CMIP: variants seen among roughly 807,000 people sequenced by gnomAD.
CMIP encodes C-Maf-inducing protein.
CMIP carries 13 observed loss-of-function variants against 97.3 expected under a neutral mutation model. That is an observed-to-expected ratio of 0.13 (90% CI 0.09 to 0.21). The LOEUF is 0.21. CMIP is among the 10% of genes least tolerant of loss of function. The pLI is 1.00. For synonymous variants in CMIP, 538 were observed against 436.3 expected, an observed-to-expected ratio of 1.23 and a Z score of -2.91; for missense variants, 847 against 1,024.9, an observed-to-expected ratio of 0.83 and a Z score of 2.37.
chr16:81,573,800 G>T (rs1043193845), intron 1 of CMIP, among the ~76,000 whole-genome samples: 3 of 152,200 alleles, frequency 2.0e-5, no homozygotes, highest in Non-Finnish European at 4.4e-5. Flanking sequence ...ATTTGTGCCA[G>T]TTAAGTGAGT....
intron 1 of CMIP, among the ~76,000 whole-genome samples, chr16:81,602,896 A>C (rs1169505302): frequency 1.3e-5 from 2 of 152,130 alleles, no homozygotes. Context: ...GTTATCTGTA[A>C]AATAATCCCA....
chr16:81,478,949 C>A (rs538832306), intron 1 of CMIP, among the ~76,000 whole-genome samples: 12 of 152,198 alleles, frequency 7.9e-5, no homozygotes, highest in African/African-American at 2.7e-4. Context: ...GGAGACCCGT[C>A]CTCACCCGAA....
intron 1 of CMIP, among the ~76,000 whole-genome samples, chr16:81,480,196 G>A (rs1341105863): frequency 1.3e-5 from 2 of 152,176 alleles, no homozygotes; most frequent in Non-Finnish European, 2.9e-5. Context: ...TGTGGATAGG[G>A]AAACAGGTTA....
intron 4 of CMIP, among the ~76,000 whole-genome samples, chr16:81,654,224 C>A (rs554208216): frequency 2.0e-5 from 3 of 146,550 alleles, no homozygotes; most frequent in Admixed American, 6.6e-5. Flanking sequence ...CACATCCCTC[C>A]TTGGGCTTTA....
intron 1 of CMIP, among the ~76,000 whole-genome samples, chr16:81,471,936 T>G (rs979953650): frequency 1.9e-4 from 29 of 152,216 alleles, no homozygotes; most frequent in African/African-American, 6.5e-4. Context: ...ATTTTCCACC[T>G]AATCTTTTTA....
chr16:81,689,344 G>C (rs374098651), intron 10 of CMIP, among the ~76,000 whole-genome samples: 3 of 152,036 alleles, frequency 2.0e-5, no homozygotes, highest in Non-Finnish European at 4.4e-5. Context: ...TTTAATGATC[G>C]CCATTCTAAC....
chr16:81,476,002 AG>A (rs1907889709), intron 1 of CMIP: 11 of 573,524 alleles, frequency 1.9e-5, no homozygotes, highest in Admixed American at 4.8e-5. Context: ...AAAAAAAAAA[AG>A]ATAAAACATA....
chr16:81,624,669 A>G (rs912649215), intron 3 of CMIP, among the ~76,000 whole-genome samples: 4 of 152,208 alleles, frequency 2.6e-5, no homozygotes, highest in African/African-American at 9.7e-5. Flanking sequence ...GTGGCCCTCC[A>G]AAGCTCGACC....
intron 1 of CMIP, among the ~76,000 whole-genome samples, chr16:81,472,241 C>T (rs1256963211): frequency 5.3e-5 from 8 of 152,192 alleles, no homozygotes; most frequent in East Asian, 1.9e-4. Context: ...TCAGTTTCCT[C>T]GTCTATAAGA....
At chr16:81,479,944 C>T (rs1908157656) in intron 1 of CMIP, among the ~76,000 whole-genome samples, 1 of 152,184 alleles carries the variant, frequency 6.6e-6, no homozygotes, top group Non-Finnish European at 1.5e-5. Flanking sequence ...TTCTTGAGTG[C>T]CTACTTTGTG....
At chr16:81,538,321 C>T (rs1259328117) in intron 1 of CMIP, among the ~76,000 whole-genome samples, 5 of 152,206 alleles carry the variant, frequency 3.3e-5, no homozygotes, top group Non-Finnish European at 7.3e-5. Context: ...GTGGCTCCTG[C>T]CTGCAGTGGC....
Position 81,453,933 on chromosome 16 carries a change from G to A in CMIP, c.300+8392G>A, listed in dbSNP as rs893432982. Among the ~76,000 whole-genome samples, 6 of 152,334 alleles carry A rather than the reference G, an allele frequency of 3.9e-5. No homozygotes were observed. The highest frequency in any genetic ancestry group is 3.9e-4 in the East Asian group (2 of 5,194). Reference sequence around the variant, plus strand: ...ACTTGGGAACATGGTTTACATGTGCGTCTGGGAGGAAGAGGAGAGCATGGA... The same window carrying A: ...ACTTGGGAACATGGTTTACATGTGCATCTGGGAGGAAGAGGAGAGCATGGA... On this transcript the variant is annotated intron_variant, in intron 1 of 20. Coordinates refer to ENST00000537098, the MANE Select transcript of CMIP (RefSeq NM_198390.3). The surrounding 1 kb of genome is among the most constrained non-coding windows in gnomAD (Gnocchi z 4.0).
intron 15 of CMIP, among the ~76,000 whole-genome samples, chr16:81,701,133 T>A (rs1287195815): frequency 7.3e-6 from 1 of 136,764 alleles, no homozygotes; most frequent in Non-Finnish European, 1.6e-5. Context: ...AAAAAAAAAA[T>A]CGTCATTGGA....
rs1472938338 is a variant in CMIP, at chr16:81,604,522, A to G, written c.301-3045A>G. ...AGACCAGCCTGGCCAAGATGGTGAA[A>G]CCCCATCTCTACTAAAAATACAAAA... On this transcript the variant is annotated intron_variant, in intron 1 of 20. Coordinates refer to ENST00000537098, the MANE Select transcript of CMIP (RefSeq NM_198390.3). Among the ~76,000 whole-genome samples, 4 of 151,920 alleles carry G rather than the reference A, an allele frequency of 2.6e-5. No homozygotes were observed. In the South Asian group the frequency reaches 6.3e-4, roughly 24 times the overall value.
At chr16:81,597,709 C>T (rs1390482753) in intron 1 of CMIP, among the ~76,000 whole-genome samples, 2 of 152,138 alleles carry the variant, frequency 1.3e-5, no homozygotes, top group Non-Finnish European at 2.9e-5. Context: ...TGGGCCAGTT[C>T]CCCCATTCAG....
intron 1 of CMIP, among the ~76,000 whole-genome samples, chr16:81,530,989 G>A (rs1318640009): frequency 6.6e-6 from 1 of 152,126 alleles, no homozygotes; most frequent in East Asian, 1.9e-4. Flanking sequence ...ATGTCTTCTG[G>A]GATCGTCATT....
intron 3 of CMIP, among the ~76,000 whole-genome samples, chr16:81,623,719 A>G (rs1236648712): frequency 6.6e-6 from 1 of 152,240 alleles, no homozygotes; most frequent in African/African-American, 2.4e-5. Flanking sequence ...CAGCTAGCCA[A>G]ATTAGCTGGG....
Position 81,691,791 on chromosome 16 carries a change from T to C in CMIP, c.1405T>C (p.Trp469Arg). Residue 469 changes from tryptophan (W) to arginine (R), a missense_variant, in exon 11 of 21, where the codon TGG becomes CGG. Trp to Arg is a moderately radical substitution (Grantham distance 101). Transcript: ENST00000537098. ...TCATTCTAGGTCAGACTATGATGAC[T>C]GGAGACCGTCTCTGGCCAGTTTGCT... ...ILKLLSDYDDWRPSLASLLQP... is the reference protein window; with the variant it reads ...ILKLLSDYDDRRPSLASLLQP... The C allele has an allele frequency of 6.2e-7, 1 of 1,613,954 alleles. No homozygotes were observed. Among genetic ancestry groups the C allele is most frequent in the Non-Finnish European group, 8.5e-7 (1 of 1,179,834 alleles).
At chr16:81,555,445 A>G (rs1447725759) in intron 1 of CMIP, among the ~76,000 whole-genome samples, 1 of 152,228 alleles carries the variant, frequency 6.6e-6, no homozygotes, top group Non-Finnish European at 1.5e-5. Context: ...GAATGGGGAC[A>G]GTGAAAGCAC....
Sources: allele counts gnomAD v4.1 joint callset (sites outside exome capture counted in the v4.1 genomes callset), GRCh38; gene constraint gnomAD v4.1.1; non-coding constraint Gnocchi (gnomAD v3.1); transcripts MANE v1.5; gene names NCBI Gene and HGNC (gene_info 2026-07-23, HGNC 2026-07-21).